CYP1A1: variants seen among roughly 807,000 people sequenced by gnomAD.
CYP1A1 encodes cytochrome P450 1A1.
A neutral mutation model predicts 33.6 loss-of-function variants in CYP1A1; 43 were observed. The observed-to-expected ratio is 1.28, with a 90% CI of 1.00 to 1.65. The LOEUF is 1.65. Among genes scored for constraint, CYP1A1 ranks in the 40% most tolerant of loss-of-function variants. The pLI is 0.00. For synonymous variants in CYP1A1, 280 were observed against 257.8 expected (o/e 1.09, Z -0.83); for missense variants, 637 against 653.7 (o/e 0.97, Z 0.28).
chr15:74,722,925 T>A lies in CYP1A1; in HGVS notation c.173A>T (p.Asn58Ile). 1.2e-6 allele frequency: 2 copies of A among 1,614,094 alleles called. No homozygotes were observed. Among genetic ancestry groups the A allele is most frequent in the Non-Finnish European group, 1.7e-6 (2 of 1,180,002 alleles). ...CATCCTTGACAGTGCCAGGTGCGGG[T>A]TCTTTCCCAGGGTCAGCATGTGCCC... ...LIGHMLTLGK[N>I]PHLALSRMSQ... The change falls in exon 2 of 7, where the codon AAC becomes ATC. Residue 58 changes from asparagine to isoleucine, a missense_variant. Asn to Ile is a moderately radical substitution (Grantham distance 149). Transcript: ENST00000379727.
In CYP1A1 at chr15:74,720,475, G is replaced by A; in HGVS notation, c.*14C>T. ...CCAGGTAGACAGAGTCTAGGCCTCA[G>A]GGCTCTCAAGCACCTAAGAGCGCAG... On this transcript the variant is annotated 3_prime_UTR_variant, in exon 7 of 7. Coordinates refer to ENST00000379727, the MANE Select transcript of CYP1A1 (RefSeq NM_001319217.2). 2 of 1,546,486 alleles carry A rather than the reference G, an allele frequency of 1.3e-6. No homozygotes were observed. The highest frequency in any genetic ancestry group is 2.3e-5 in the East Asian group (1 of 44,320).
Position 74,720,672 on chromosome 15 carries a change from C to T in CYP1A1, c.1356G>A (p.Met452Ile), listed in dbSNP as rs767053022. 6 of 1,614,070 alleles carry T rather than the reference C, an allele frequency of 3.7e-6. No individual in the cohort carries two copies. The highest frequency in any genetic ancestry group is 1.3e-5 in the African/African-American group (1 of 74,920). Reference protein sequence around the residue: ...VLSEKVIIFGMGKRKCIGETI... With the variant: ...VLSEKVIIFGIGKRKCIGETI... ...TCTCACCGATACACTTCCGCTTGCC[C>T]ATGCCAAAGATAATCACCTTCTCAC... Residue 452 changes from methionine (M) to isoleucine (I), a missense_variant, in exon 7 of 7, where the codon ATG becomes ATA. Transcript: ENST00000379727.
chr15:74,722,856 G>A lies in CYP1A1; in HGVS notation c.242C>T (p.Thr81Ile), dbSNP rs138474634. 204 of 1,614,132 alleles carry A rather than the reference G, an allele frequency of 1.3e-4. 1 individual carries two copies. In the African/African-American group the frequency reaches 2.4e-3, roughly 19 times the overall value. ...CAGGCCGCTCAGCACCACCACGGGT[G>A]TGGAGCCAATTCGGATCTGCAGCAC... The part of the protein sequence containing the change: ...GDVLQIRIGS[T>I]PVVVLSGLDT... Residue 81 changes from threonine (T) to isoleucine (I), a missense_variant, in exon 2 of 7, where the codon ACA becomes ATA. Coordinates refer to ENST00000379727, the MANE Select transcript of CYP1A1 (RefSeq NM_001319217.2).
chr15:74,721,797 T>G, intron 2 of CYP1A1, 80 bp from the exon 3 acceptor site: 1 of 1,547,326 alleles, frequency 6.5e-7, no homozygotes, highest in Non-Finnish European at 8.7e-7. Context: ...CCTTCACTAT[T>G]CCTAGCACAT....
In CYP1A1 at chr15:74,721,001, C is replaced by T. The variant is rs1567195622; in HGVS notation, c.1219G>A (p.Val407Ile). Residue 407 changes from valine to isoleucine, a missense_variant, in exon 6 of 7, where the codon GTC (valine) becomes ATC (isoleucine). Physicochemically the swap from Val to Ile is conservative, Grantham distance 29 (BLOSUM62 3). Transcript: ENST00000379727. ...TTGATCTGCCACTGGTTTACAAAGA[C>T]ACAACGCCCCTTGGGGATGTAAAAG... ...KGFYIPKGRC[V>I]FVNQWQINHD... The T allele has an allele frequency of 5.6e-6, 9 of 1,614,208 alleles. No homozygotes were observed. Among genetic ancestry groups the T allele is most frequent in the Non-Finnish European group, 6.8e-6 (8 of 1,180,044 alleles).
At position 74,722,862 on chromosome 15, in the gene CYP1A1, C is replaced by T. The variant is rs1337155933; in HGVS notation, c.236G>A (p.Gly79Asp). ...QYGDVLQIRI[G>D]STPVVVLSGL... ...GCTCAGCACCACCACGGGTGTGGAG[C>T]CAATTCGGATCTGCAGCACGTCCCC... The change falls in exon 2 of 7, where the codon GGC becomes GAC. Residue 79 changes from glycine to aspartate, a missense_variant. Physicochemically the swap from Gly to Asp is moderately conservative, Grantham distance 94 (BLOSUM62 -1). Transcript: ENST00000379727. 1.9e-6 allele frequency: 3 copies of T among 1,614,076 alleles called. No homozygotes were observed. The highest frequency in any genetic ancestry group is 2.2e-5 in the South Asian group (2 of 91,076).
At chr15:74,723,683 G>A (rs550578039) in intron 1 of CYP1A1, among the ~76,000 whole-genome samples, 1 of 152,154 alleles carries the variant, frequency 6.6e-6, no homozygotes, top group Non-Finnish European at 1.5e-5. Flanking sequence ...ACCACACTTA[G>A]GAAAATCATG....
rs2063179573 is a variant in CYP1A1 at position 74,722,508 on chromosome 15, A to G, written c.590T>C (p.Val197Ala). The G allele has an allele frequency of 6.2e-7, 1 of 1,613,936 alleles. No homozygotes were observed. The change falls in exon 2 of 7, where the codon GTC becomes GCC. Residue 197 changes from valine (V) to alanine (A), a missense_variant. Val to Ala is a moderately conservative substitution (Grantham distance 64). Coordinates refer to ENST00000379727, the MANE Select transcript of CYP1A1 (RefSeq NM_001319217.2). ...YRYVVVSVTNVICAICFGRRY... is the reference protein window; with the variant it reads ...YRYVVVSVTNAICAICFGRRY... Reference sequence around the variant, plus strand: ...CCGGCCAAAGCAAATGGCACAGATGACATTGGTCACTGATACCACCACATA... The same window carrying G: ...CCGGCCAAAGCAAATGGCACAGATGGCATTGGTCACTGATACCACCACATA...
At position 74,721,985 on chromosome 15, in the gene CYP1A1, G is replaced by T. The variant is rs1344280779; in HGVS notation, c.826-268C>A. The T allele has an allele frequency of 5.0e-6, 3 of 594,346 alleles. No individual in the cohort carries two copies. The African/African-American group carries it at 5.6e-5, about 11-fold the overall frequency. 36.8% of individuals were successfully genotyped at this position (594,346 alleles called of 1,614,324 possible). A position where few individuals can be genotyped will look rare whatever the true frequency, so the allele number is the denominator to read the frequency against. ...TATCTTCTTTCTATTATGAGGCCAGGAGATGAACTCTTTAACTCTTCCTGG... is the reference window on the plus strand; with the variant it reads ...TATCTTCTTTCTATTATGAGGCCAGTAGATGAACTCTTTAACTCTTCCTGG... On this transcript the variant is annotated intron_variant, in intron 2 of 6. Transcript: ENST00000379727.
chr15:74,721,758 C>A, intron 2 of CYP1A1, 41 bp from the exon 3 acceptor site: 1 of 1,605,026 alleles, frequency 6.2e-7, no homozygotes. Flanking sequence ...GATCTCAAAC[C>A]CAGAGCTACC....
In CYP1A1 at chr15:74,721,298, C is replaced by T. The variant is rs368650547; in HGVS notation, c.1067G>A (p.Arg356Gln). 1.2e-5 allele frequency: 19 copies of T among 1,613,530 alleles called. No homozygotes were observed. The African/African-American group carries it at 1.7e-4, about 15-fold the overall frequency. ...ATGGGATCTGTCAGAGAGCCGGGGC[C>T]GCCGTGACCTGCCAATCACTGTGTC... is the stretch of plus-strand genomic sequence containing the variant. ...ELDTVIGRSR[R>Q]PRLSDRSHLP... The change falls in exon 5 of 7, where the codon CGG (arginine) becomes CAG (glutamine). Residue 356 changes from arginine to glutamine, a missense_variant. Physicochemically the swap from Arg to Gln is conservative, Grantham distance 43. Coordinates refer to ENST00000379727, the MANE Select transcript of CYP1A1 (RefSeq NM_001319217.2).
chr15:74,723,056 C>T lies in CYP1A1; in HGVS notation c.42G>A (p.Leu14=). Residue 14 remains leucine, a synonymous_variant, in exon 2 of 7, where the codon CTG becomes CTA. Transcript: ENST00000379727. ...PISMSATEFL[L]ASVIFCLVFW... ...ATACCAGACAGAAGATGACAGAGGC[C>T]AGAAGAAACTCCGTGGCCGACATGG... 1 of 1,604,210 alleles carries T rather than the reference C, an allele frequency of 6.2e-7. No individual in the cohort carries two copies. The highest frequency in any genetic ancestry group is 8.5e-7 in the Non-Finnish European group (1 of 1,173,510).
Position 74,723,078 on chromosome 15 carries a change from A to G in CYP1A1, c.20T>C (p.Met7Thr), listed in dbSNP as rs758562697. MLFPIS[M>T]SATEFLLASV... ...GGCCAGAAGAAACTCCGTGGCCGAC[A>G]TGGAGATTGGGAAAAGCATGATCAG... is the stretch of plus-strand genomic sequence containing the variant. Residue 7 changes from methionine (M) to threonine (T), a missense_variant, in exon 2 of 7, where the codon ATG becomes ACG. Transcript: ENST00000379727. The G allele has an allele frequency of 1.3e-6, 2 of 1,591,516 alleles. No individual in the cohort carries two copies. The highest frequency in any genetic ancestry group is 1.7e-6 in the Non-Finnish European group (2 of 1,166,414).
chr15:74,720,795 C>A lies in CYP1A1; in HGVS notation c.1254-21G>T. Reference sequence around the variant, plus strand: ...GCTTCCTGTAACCAGAGGGAGACAGCTGAAGTGGCAGTTCAGGGCTCAGAA... The same window carrying A: ...GCTTCCTGTAACCAGAGGGAGACAGATGAAGTGGCAGTTCAGGGCTCAGAA... On this transcript the variant is annotated intron_variant, in intron 6 of 6. Transcript: ENST00000379727. The A allele has an allele frequency of 1.9e-6, 3 of 1,596,816 alleles. No homozygotes were observed. The South Asian group carries it at 3.4e-5, about 18-fold the overall frequency.
In CYP1A1 at chr15:74,720,812, G is replaced by A. The variant is rs757417532; in HGVS notation, c.1254-38C>T. 5 of 1,585,964 alleles carry A rather than the reference G, an allele frequency of 3.2e-6. No homozygotes were observed. The African/African-American group carries it at 6.7e-5, about 21-fold the overall frequency. On this transcript the variant is annotated intron_variant, in intron 6 of 6. Transcript: ENST00000379727. Reference sequence around the variant, plus strand: ...GGAGACAGCTGAAGTGGCAGTTCAGGGCTCAGAAGTGTCAAGTGAGTGGAG... The same window carrying A: ...GGAGACAGCTGAAGTGGCAGTTCAGAGCTCAGAAGTGTCAAGTGAGTGGAG...
intron 2 of CYP1A1, 112 bp from the exon 3 acceptor site, chr15:74,721,829 CT>C (rs1325771790): frequency 7.2e-7 from 1 of 1,396,672 alleles, no homozygotes; most frequent in African/African-American, 1.4e-5. Context: ...GTGATGCCCC[CT>C]GAGGCTGTTG....
chr15:74,722,336 C>T lies in CYP1A1; in HGVS notation c.762G>A (p.Leu254=). 3 of 1,614,120 alleles carry T rather than the reference C, an allele frequency of 1.9e-6. No homozygotes were observed. Among genetic ancestry groups the T allele is most frequent in the Non-Finnish European group, 2.5e-6 (3 of 1,180,016 alleles). Residue 254 remains leucine, a synonymous_variant, in exon 2 of 7, where the codon CTG becomes CTA. Coordinates refer to ENST00000379727, the MANE Select transcript of CYP1A1 (RefSeq NM_001319217.2). ...GCATGAAGCTGTAGAACTTCTCATT[C>T]AGGTCCTTGAAGGCATTCAGGGAAG... ...PNPSLNAFKD[L]NEKFYSFMQK...
At chr15:74,722,130 C>T (rs78058484) in intron 2 of CYP1A1, 143 bp downstream of exon 2, 30 of 669,706 alleles carry the variant, frequency 4.5e-5, no homozygotes, top group Admixed American at 1.7e-4. Flanking sequence ...AGGAAGAAGA[C>T]TATTCCACAA....
chr15:74,720,710 C>A lies in CYP1A1; in HGVS notation c.1318G>T (p.Asp440Tyr), dbSNP rs145198866. ...ERFLTPDGAI[D>Y]KVLSEKVIIF... ...ATCACCTTCTCACTTAACACCTTGT[C>A]GATAGCACCATCAGGGGTGAGAAAC... Residue 440 changes from aspartate (D) to tyrosine (Y), a missense_variant, in exon 7 of 7, where the codon GAC (aspartate) becomes TAC (tyrosine). Physicochemically the swap from Asp to Tyr is radical, Grantham distance 160. Coordinates refer to ENST00000379727, the MANE Select transcript of CYP1A1 (RefSeq NM_001319217.2). The A allele has an allele frequency of 1.2e-5, 20 of 1,613,980 alleles. No individual in the cohort carries two copies. Among genetic ancestry groups the A allele is most frequent in the Middle Eastern group, 1.6e-4 (1 of 6,084 alleles).
Sources: gnomAD v4.1 joint callset for allele counts (sites outside exome capture counted in the v4.1 genomes callset) on GRCh38, gnomAD v4.1.1 for gene constraint, MANE v1.5 for transcripts, NCBI Gene and HGNC (gene_info 2026-07-23, HGNC 2026-07-21) for gene names.